Variants in DENND6A observed in about 807,000 individuals in gnomAD.
The protein encoded by DENND6A is DENN domain containing 6A, also known as protein DENND6A.
In DENND6A, 43 loss-of-function variants were observed where a neutral mutation model predicts 95.5. That is an observed-to-expected ratio of 0.45 (90% CI 0.35 to 0.58). The LOEUF (loss-of-function observed/expected upper bound fraction) is 0.58, where lower values mean the gene tolerates loss of function less well. Among genes scored for constraint, DENND6A ranks in the 20% least tolerant of loss-of-function variants. The probability of loss-of-function intolerance (pLI) is 0.00; values close to 1 mark genes in which losing one functional copy is unlikely to be tolerated. For missense variants in DENND6A, 574 were observed against 736.0 expected, an observed-to-expected ratio of 0.78 and a Z score of 2.55; for synonymous variants, 257 against 260.4, an observed-to-expected ratio of 0.99 and a Z score of 0.13.
intron 7 of DENND6A, among the ~76,000 whole-genome samples, chr3:57,659,596 T>C (rs1235042164): frequency 6.6e-5 from 10 of 152,168 alleles, no homozygotes; most frequent in Non-Finnish European, 5.9e-5. Context: ...CTTTTGATGA[T>C]TTCCCAAGGA....
chr3:57,651,836 G>A (rs2071216188), intron 9 of DENND6A, among the ~76,000 whole-genome samples: 1 of 152,120 alleles, frequency 6.6e-6, no homozygotes, highest in South Asian at 2.1e-4. Context: ...TATCAAAATA[G>A]GTAATAATGG....
In DENND6A at chr3:57,630,835, G is replaced by A. The variant is rs767606558; in HGVS notation, c.1408-11C>T. The A allele has an allele frequency of 6.8e-6, 11 of 1,611,288 alleles. No individual in the cohort carries two copies. Among genetic ancestry groups the A allele is most frequent in the South Asian group, 1.1e-5 (1 of 90,428 alleles). The stretch of plus-strand genomic sequence containing the variant: ...TAATTGAGGTGGACTCTAGAAAACA[G>A]GACATATAATATTTAGAAATTAGGA... On this transcript the variant is annotated splice_polypyrimidine_tract_variant and intron_variant, in intron 16 of 19. Transcript: ENST00000311128.
intron 3 of DENND6A, among the ~76,000 whole-genome samples, chr3:57,671,998 C>T (rs532084119): frequency 5.9e-5 from 9 of 152,280 alleles, no homozygotes; most frequent in South Asian, 2.1e-4. Flanking sequence ...ATACCAATGT[C>T]GCTGATTTTC....
intron 9 of DENND6A, among the ~76,000 whole-genome samples, chr3:57,646,986 G>T (rs933238943): frequency 2.0e-5 from 3 of 152,142 alleles, no homozygotes; most frequent in Admixed American, 6.6e-5. Context: ...CCTGGAATTG[G>T]GTGGAGGCCT....
intron 1 of DENND6A, among the ~76,000 whole-genome samples, chr3:57,689,083 T>C (rs1376190866): frequency 6.6e-6 from 1 of 152,014 alleles, no homozygotes; most frequent in Non-Finnish European, 1.5e-5. Context: ...CCCTCCCGAG[T>C]AGCTGGGACT....
At chr3:57,636,762 C>A (rs965001472) in intron 12 of DENND6A, among the ~76,000 whole-genome samples, 8 of 151,722 alleles carry the variant, frequency 5.3e-5, no homozygotes, top group Non-Finnish European at 8.8e-5. Flanking sequence ...CATGGGGAAG[C>A]CCTGTCTCCA....
chr3:57,666,061 T>C (rs2071520555), intron 4 of DENND6A, 62 bp downstream of exon 4: 1 of 1,383,804 alleles, frequency 7.2e-7, no homozygotes, highest in African/African-American at 1.4e-5. Flanking sequence ...CAGCGGTAAC[T>C]GAATAAATGA....
chr3:57,681,383 G>A (rs1220898626), intron 1 of DENND6A, among the ~76,000 whole-genome samples: 2 of 152,026 alleles, frequency 1.3e-5, no homozygotes, highest in African/African-American at 4.8e-5. Context: ...AGAATGGCAT[G>A]AACCCAGGAG....
intron 6 of DENND6A, among the ~76,000 whole-genome samples, 189 bp downstream of exon 6, chr3:57,661,257 T>C (rs1403317221): frequency 1.3e-5 from 2 of 152,208 alleles, no homozygotes; most frequent in African/African-American, 4.8e-5. Flanking sequence ...TTAAAGGAGA[T>C]AACAAAAGAC....
intron 1 of DENND6A, among the ~76,000 whole-genome samples, chr3:57,677,228 T>C (rs1313974246): frequency 1.3e-5 from 2 of 152,180 alleles, no homozygotes; most frequent in African/African-American, 2.4e-5. Context: ...GTACCTTCTA[T>C]TCCTATGGCC....
Position 57,659,255 on chromosome 3 carries a change from A to T in DENND6A, c.700-75T>A, listed in dbSNP as rs1040465193. 7.9e-6 allele frequency: 12 copies of T among 1,517,670 alleles called. No homozygotes were observed. The African/African-American group carries it at 1.6e-4, about 21-fold the overall frequency. The allele number at this position is 1,517,670 out of a possible 1,614,324, so 94.0% of individuals were successfully genotyped here. On this transcript the variant is annotated intron_variant, in intron 7 of 19. Coordinates refer to ENST00000311128, the MANE Select transcript of DENND6A (RefSeq NM_152678.3). ...AGAAGTGCTGTATCCTGCTGCTAAA[A>T]AGGTATGGTCAGTAATGCCAAAAAA...
chr3:57,658,469 C>T (rs1457660638), intron 8 of DENND6A, among the ~76,000 whole-genome samples: 2 of 152,134 alleles, frequency 1.3e-5, no homozygotes, highest in African/African-American at 2.4e-5. Context: ...TTGGAGGCTG[C>T]ATGAACTACG....
intron 3 of DENND6A, among the ~76,000 whole-genome samples, chr3:57,669,653 T>C (rs2153416241): frequency 6.7e-6 from 1 of 148,698 alleles, no homozygotes; most frequent in Non-Finnish European, 1.5e-5. Context: ...AGGCAGAGCT[T>C]GCAGTGAGTG....
At chr3:57,652,048 T>TAAA (rs1290471072) in intron 9 of DENND6A, among the ~76,000 whole-genome samples, 1 of 151,696 alleles carries the variant, frequency 6.6e-6, no homozygotes. Flanking sequence ...AATAATAAAA[T>TAAA]AAAAATAAAA....
intron 1 of DENND6A, among the ~76,000 whole-genome samples, chr3:57,691,177 A>C (rs2077260864): frequency 6.6e-6 from 1 of 152,228 alleles, no homozygotes; most frequent in Non-Finnish European, 1.5e-5. Flanking sequence ...ACAACAACCC[A>C]TTCTTATGCT....
chr3:57,677,419 C>CTTTTTTTTTTTTTTTTT (rs71088101), intron 1 of DENND6A, among the ~76,000 whole-genome samples: 2 of 68,708 alleles, frequency 2.9e-5, no homozygotes, highest in Admixed American at 2.2e-4. Flanking sequence ...CTTTGTTGTC[C>CTTTTTTTTTTTTTTTTT]TTTTTTTTTT....
intron 15 of DENND6A, among the ~76,000 whole-genome samples, chr3:57,631,420 TC>T (rs1235348889): frequency 6.6e-6 from 1 of 152,068 alleles, no homozygotes; most frequent in African/African-American, 2.4e-5. Context: ...GGTCTCGAAC[TC>T]CTGACCTCAT....
At chr3:57,662,185 C>CTTTTTTTTTTTTTTTTTTTTTTTTTT in intron 5 of DENND6A, among the ~76,000 whole-genome samples, 1 of 79,136 alleles carries the variant, frequency 1.3e-5, no homozygotes, top group African/African-American at 4.8e-5. Context: ...TTTCTTTTTT[C>CTTTTTTTTTTTTTTTTTTTTTTTTTT]TTTTTTTTTT....
At chr3:57,684,378 G>A (rs577413594) in intron 1 of DENND6A, among the ~76,000 whole-genome samples, 12 of 152,098 alleles carry the variant, frequency 7.9e-5, no homozygotes, top group Admixed American at 1.3e-4. Context: ...CAGGAGAATC[G>A]CTGGAACTTG....
Sources: allele counts gnomAD v4.1 joint callset (sites outside exome capture counted in the v4.1 genomes callset), GRCh38; gene constraint gnomAD v4.1.1; transcripts MANE v1.5; gene names NCBI Gene and HGNC (gene_info 2026-07-23, HGNC 2026-07-21).